RALGAPA1: variants seen among roughly 807,000 people sequenced by gnomAD.
The protein encoded by RALGAPA1 is ral GTPase-activating protein subunit alpha-1.
RALGAPA1 carries 52 observed loss-of-function variants against 269.6 expected under a neutral mutation model. The observed-to-expected ratio is 0.19, with a 90% CI of 0.15 to 0.24. RALGAPA1 has a LOEUF of 0.24. Ranked by LOEUF, RALGAPA1 falls within the 10% of genes least tolerant of loss-of-function variation. The probability of loss-of-function intolerance (pLI) is 1.00; values close to 1 mark genes in which losing one functional copy is unlikely to be tolerated. For missense variants in RALGAPA1, 1,917 were observed against 3,013.9 expected (o/e 0.64, Z 8.52); for synonymous variants, 817 against 1,008.3 (o/e 0.81, Z 3.60).
intron 1 of RALGAPA1, among the ~76,000 whole-genome samples, chr14:35,784,989 C>T (rs954193641): frequency 6.6e-6 from 1 of 151,958 alleles, no homozygotes; most frequent in African/African-American, 2.4e-5. Context: ...TTGAAATTAG[C>T]CTGCCAATAT....
Position 35,539,230 on chromosome 14 carries a change from A to C in RALGAPA1, c.*484T>G, listed in dbSNP as rs1310867486. On this transcript the variant is annotated 3_prime_UTR_variant, in exon 42 of 42. Coordinates refer to ENST00000680220, the MANE Select transcript of RALGAPA1 (RefSeq NM_001346249.2). ...TAATTGTCCAATTGTATTTTGGCTC[A>C]CAGTTAACCATGAAATTAAAGATAA... The C allele has an allele frequency of 3.6e-5, 6 of 166,626 alleles. No homozygotes were observed. The highest frequency in any genetic ancestry group is 6.4e-5 in the Non-Finnish European group (5 of 77,964). The allele number at this position is 166,626 out of a possible 1,614,324, so 10.3% of individuals were successfully genotyped here.
At chr14:35,790,012 G>C (rs749221220) in intron 1 of RALGAPA1, among the ~76,000 whole-genome samples, 1 of 152,172 alleles carries the variant, frequency 6.6e-6, no homozygotes, top group Admixed American at 6.5e-5. Context: ...CCAGCACTTT[G>C]GGAGGCCAAG....
At chr14:35,719,006 A>T (rs1288713126) in intron 16 of RALGAPA1, among the ~76,000 whole-genome samples, 5 of 151,914 alleles carry the variant, frequency 3.3e-5, no homozygotes, top group South Asian at 4.2e-4. Context: ...CACCCAGCTA[A>T]TTTTTTTGTA....
chr14:35,677,550 CTG>C (rs1284332550), intron 22 of RALGAPA1: 1 of 153,974 alleles, frequency 6.5e-6, no homozygotes, highest in African/African-American at 2.4e-5. Flanking sequence ...GTTTGATAAA[CTG>C]TTTCACTGAA....
intron 16 of RALGAPA1, among the ~76,000 whole-genome samples, chr14:35,704,059 T>C (rs969153419): frequency 3.9e-5 from 6 of 152,144 alleles, no homozygotes; most frequent in African/African-American, 1.4e-4. Context: ...TATGATACAT[T>C]TTCCTCCTTA....
chr14:35,622,588 A>G (rs1048181421), intron 35 of RALGAPA1, among the ~76,000 whole-genome samples: 1 of 152,238 alleles, frequency 6.6e-6, no homozygotes, highest in Admixed American at 6.5e-5. Context: ...ATGATAGACA[A>G]AGCAACAGAA....
chr14:35,700,997 T>C (rs905177146), intron 16 of RALGAPA1, among the ~76,000 whole-genome samples: 9 of 152,184 alleles, frequency 5.9e-5, no homozygotes, highest in African/African-American at 1.9e-4. Context: ...CAAAAATAGA[T>C]AATTTTGTGC....
intron 6 of RALGAPA1, 137 bp from the exon 7 acceptor site, chr14:35,757,045 A>C: frequency 4.0e-6 from 2 of 499,572 alleles, no homozygotes; most frequent in Non-Finnish European, 6.0e-6. Context: ...GATCCTTGAA[A>C]TAAATCTTAA....
chr14:35,630,086 C>CAATA (rs549280134), intron 33 of RALGAPA1, among the ~76,000 whole-genome samples: 78 of 152,148 alleles, frequency 5.1e-4, no homozygotes, highest in Non-Finnish European at 9.0e-4. Flanking sequence ...GATTCAGAAC[C>CAATA]AATACCACTG....
chr14:35,622,731 C>A (rs1594856709), intron 35 of RALGAPA1, among the ~76,000 whole-genome samples: 1 of 152,230 alleles, frequency 6.6e-6, no homozygotes, highest in Admixed American at 6.5e-5. Context: ...AGTTATCATT[C>A]CACAAATCAG....
intron 37 of RALGAPA1, 165 bp from the exon 38 acceptor site, chr14:35,572,883 C>T (rs2057313510): frequency 2.4e-6 from 1 of 413,842 alleles, no homozygotes; most frequent in Non-Finnish European, 4.3e-6. Context: ...TCAGGAGACA[C>T]TGCAGAAGAC....
intron 13 of RALGAPA1, among the ~76,000 whole-genome samples, chr14:35,726,625 T>C (rs1441554107): frequency 1.3e-5 from 2 of 152,110 alleles, no homozygotes; most frequent in African/African-American, 2.4e-5. Context: ...TCTCTCTCTA[T>C]ATAAAAATTC....
intron 22 of RALGAPA1, 83 bp from the exon 23 acceptor site, chr14:35,674,792 T>A (rs543307318): frequency 1.6e-6 from 1 of 615,312 alleles, no homozygotes; most frequent in Non-Finnish European, 2.8e-6. Context: ...AAATTAACAA[T>A]CTTAAATATC....
chr14:35,787,262 G>A (rs968985543), intron 1 of RALGAPA1, among the ~76,000 whole-genome samples: 4 of 152,142 alleles, frequency 2.6e-5, no homozygotes, highest in African/African-American at 9.7e-5. Context: ...AGATTTCAAA[G>A]AACAAGATAT....
intron 20 of RALGAPA1, 126 bp downstream of exon 20, chr14:35,684,803 T>TC: frequency 2.1e-6 from 2 of 952,278 alleles, no homozygotes; most frequent in African/African-American, 3.3e-5. Context: ...TTTTTTTTTT[T>TC]CTAACGTGGG....
At chr14:35,786,847 C>CA (rs1017263506) in intron 1 of RALGAPA1, among the ~76,000 whole-genome samples, 3 of 151,364 alleles carry the variant, frequency 2.0e-5, no homozygotes, top group Admixed American at 6.6e-5. Flanking sequence ...TGTCTTTTTT[C>CA]AAAAAAAATC....
intron 39 of RALGAPA1, among the ~76,000 whole-genome samples, chr14:35,570,087 T>C (rs1313096433): frequency 6.6e-6 from 1 of 151,276 alleles, no homozygotes; most frequent in Non-Finnish European, 1.5e-5. Flanking sequence ...CTGGCCAACA[T>C]GGTAAAACCC....
intron 26 of RALGAPA1, 74 bp from the exon 27 acceptor site, chr14:35,664,841 C>T (rs1255505642): frequency 1.4e-6 from 2 of 1,398,560 alleles, no homozygotes; most frequent in Non-Finnish European, 2.0e-6. Flanking sequence ...GCTTTGTTAT[C>T]CAACTACATT....
chr14:35,570,112 A>C (rs2057055805), intron 39 of RALGAPA1, among the ~76,000 whole-genome samples: 1 of 152,018 alleles, frequency 6.6e-6, no homozygotes, highest in South Asian at 2.1e-4. Flanking sequence ...TCTACTAAAA[A>C]TACAAAAATT....
Sources: allele counts gnomAD v4.1 joint callset (sites outside exome capture counted in the v4.1 genomes callset), GRCh38; gene constraint gnomAD v4.1.1; transcripts MANE v1.5; gene names NCBI Gene and HGNC (gene_info 2026-07-23, HGNC 2026-07-21).